SPTAN1: variants seen among roughly 807,000 people sequenced by gnomAD.
SPTAN1 encodes spectrin alpha chain, non-erythrocytic 1.
SPTAN1 carries 61 observed loss-of-function variants against 331.3 expected under a neutral mutation model. The observed-to-expected ratio is 0.18, with a 90% CI of 0.15 to 0.23. SPTAN1 has a LOEUF of 0.23. Among genes scored for constraint, SPTAN1 ranks in the 10% least tolerant of loss-of-function variants. The pLI, the probability that SPTAN1 is intolerant of heterozygous loss-of-function variation, is 1.00. For synonymous variants in SPTAN1, 1,153 were observed against 1,173.9 expected, an observed-to-expected ratio of 0.98 and a Z score of 0.36; for missense variants, 2,043 against 3,147.9, an observed-to-expected ratio of 0.65 and a Z score of 8.40.
intron 1 of SPTAN1, among the ~76,000 whole-genome samples, chr9:128,553,742 T>A (rs1202168401): frequency 1.9e-4 from 29 of 152,204 alleles, no homozygotes. Flanking sequence ...GATCCTAAAA[T>A]ATTTAAGCCC....
At chr9:128,554,393 C>G (rs916873393) in intron 1 of SPTAN1, among the ~76,000 whole-genome samples, 2 of 152,144 alleles carry the variant, frequency 1.3e-5, no homozygotes, top group Non-Finnish European at 2.9e-5. Flanking sequence ...GTAAGCCTGT[C>G]AAGCAATATG....
chr9:128,625,810 C>T lies in SPTAN1; in HGVS notation c.6111C>T (p.Gly2037=), dbSNP rs139799727. 4,209 of 1,614,174 alleles carry T rather than the reference C, an allele frequency of 2.6e-3. 8 individuals are homozygous for T. The highest frequency in any genetic ancestry group is 7.3e-3 in the South Asian group (665 of 91,088). Residue 2037 remains glycine (G), a synonymous_variant, in exon 48 of 57, where the codon GGC becomes GGT. Transcript: ENST00000372739. The surrounding 1 kb of genome is among the most constrained non-coding windows in gnomAD (Gnocchi z 4.1). ...GGCTGCAGGCCTTCCAGCAGGAAGGCATTGCCAACATCACTGCCCTCAAAG... is the reference window on the plus strand; with the variant it reads ...GGCTGCAGGCCTTCCAGCAGGAAGGTATTGCCAACATCACTGCCCTCAAAG... The part of the protein sequence containing the change: ...DAGLQAFQQE[G]IANITALKDQ...
chr9:128,569,255 A>T (rs1465995349), intron 3 of SPTAN1, among the ~76,000 whole-genome samples: 2 of 152,212 alleles, frequency 1.3e-5, no homozygotes, highest in Non-Finnish European at 2.9e-5. Context: ...AAACAAGCAC[A>T]GACACTATAA....
rs1334304656 is a variant in SPTAN1, at chr9:128,581,830, G to A, written c.1510G>A (p.Ala504Thr). 1.9e-6 allele frequency: 3 copies of A among 1,614,042 alleles called. No individual in the cohort carries two copies. The African/African-American group carries it at 4.0e-5, about 22-fold the overall frequency. The change falls in exon 12 of 57, where the codon GCG (alanine) becomes ACG (threonine). Residue 504 changes from alanine (A) to threonine (T), a missense_variant. Coordinates refer to ENST00000372739, the MANE Select transcript of SPTAN1 (RefSeq NM_001130438.3). ...GGGAGATTCCTTGGATAGTGTGGAA[G>A]CGCTTCTTAAGAAGCACGAAGACTT... ...DLGDSLDSVE[A>T]LLKKHEDFEK...
intron 19 of SPTAN1, 105 bp downstream of exon 19, chr9:128,586,070 G>A: frequency 1.4e-6 from 1 of 729,014 alleles, no homozygotes; most frequent in Non-Finnish European, 2.3e-6. Flanking sequence ...GTGCATTACA[G>A]TGATTGTTTT....
At position 128,633,459 on chromosome 9, in the gene SPTAN1, G is replaced by A. The variant is rs1860171637; in HGVS notation, c.*125G>A. ...CTGCTTAGCTTGGAATAAGACTTAG[G>A]AGAAAATGGTGCTTCACTAACCCGC... On this transcript the variant is annotated 3_prime_UTR_variant, in exon 57 of 57. Transcript: ENST00000372739. 2 of 1,522,496 alleles carry A rather than the reference G, an allele frequency of 1.3e-6. No individual in the cohort carries two copies. The highest frequency in any genetic ancestry group is 3.4e-5 in the Admixed American group (2 of 59,258). 94.3% of individuals were successfully genotyped at this position (1,522,496 alleles called of 1,614,324 possible). A position where few individuals can be genotyped will look rare whatever the true frequency, so the allele number is the denominator to read the frequency against.
chr9:128,571,006 G>T (rs1399517681), intron 3 of SPTAN1, among the ~76,000 whole-genome samples: 1 of 152,194 alleles, frequency 6.6e-6, no homozygotes, highest in African/African-American at 2.4e-5. Context: ...TAACTGGCCG[G>T]GCATGGGGCT....
At chr9:128,586,742 C>T (rs1245801758) in intron 19 of SPTAN1, among the ~76,000 whole-genome samples, 1 of 151,908 alleles carries the variant, frequency 6.6e-6, no homozygotes, top group African/African-American at 2.4e-5. Flanking sequence ...AAATTTTATT[C>T]ATAAAGGTCT....
chr9:128,580,887 C>A (rs375865924), intron 10 of SPTAN1, 35 bp from the exon 11 acceptor site: 6 of 1,611,782 alleles, frequency 3.7e-6, no homozygotes, highest in Non-Finnish European at 5.1e-6. Context: ...TGGGGCTGAC[C>A]TCATCTCCCT....
chr9:128,577,024 T>A lies in SPTAN1; in HGVS notation c.785+68T>A. 6.2e-7 allele frequency: 1 copy of A among 1,613,950 alleles called. No individual in the cohort carries two copies. The highest frequency in any genetic ancestry group is 8.5e-7 in the Non-Finnish European group (1 of 1,179,998). ...GAGGGGAGTTGTGAAGCACAGGGCA[T>A]GTGCTGGTGAGCTGTCGAGGCTGAC... On this transcript the variant is annotated intron_variant, in intron 6 of 56. Coordinates refer to ENST00000372739, the MANE Select transcript of SPTAN1 (RefSeq NM_001130438.3). The surrounding 1 kb of genome is among the most constrained non-coding windows in gnomAD (Gnocchi z 4.2).
At chr9:128,558,933 A>C (rs557269857) in intron 1 of SPTAN1, among the ~76,000 whole-genome samples, 59 of 152,328 alleles carry the variant, frequency 3.9e-4, no homozygotes, top group African/African-American at 1.2e-3. Context: ...TAGGAGCAAA[A>C]AGAAACTGGA....
chr9:128,605,498 A>G (rs926735245), intron 31 of SPTAN1, 21 bp downstream of exon 31: 106 of 1,613,850 alleles, frequency 6.6e-5, no homozygotes, highest in Non-Finnish European at 8.6e-5. Context: ...ATGTTCACTC[A>G]GACTTCTGGA....
chr9:128,582,669 C>T (rs1195684879), intron 13 of SPTAN1, 25 bp from the exon 14 acceptor site: 1 of 1,612,068 alleles, frequency 6.2e-7, no homozygotes, highest in South Asian at 1.1e-5. Context: ...ACACTAGAGA[C>T]TCACAGGGGA....
In SPTAN1 at chr9:128,618,961, G is replaced by A; in HGVS notation, c.5691G>A (p.Leu1897=). ...EEAWINEKMT[L]VASEDYGDTL... is the part of the protein sequence containing the mutation. ...CCTGGATCAATGAGAAAATGACCCT[G>A]GTGGCCAGCGAAGATTATGGCGACA... Residue 1897 remains leucine, a synonymous_variant, in exon 44 of 57, where the codon CTG becomes CTA. Coordinates refer to ENST00000372739, the MANE Select transcript of SPTAN1 (RefSeq NM_001130438.3). 1.2e-6 allele frequency: 2 copies of A among 1,614,082 alleles called. No individual in the cohort carries two copies. The highest frequency in any genetic ancestry group is 1.7e-6 in the Non-Finnish European group (2 of 1,179,964).
rs199620607 is a variant in SPTAN1 at position 128,624,914 on chromosome 9, C to G, written c.5993-189C>G. 1.1e-5 allele frequency: 7 copies of G among 660,280 alleles called. No individual in the cohort carries two copies. In the East Asian group the frequency reaches 1.9e-4, roughly 18 times the overall value. The allele number at this position is 660,280 out of a possible 1,614,324, so 40.9% of individuals were successfully genotyped here. ...ACTAGAAGACGGGCTGCAGGGAGCT[C>G]GTCATGGCACAGATGGAGGCCAGGC... On this transcript the variant is annotated intron_variant, in intron 46 of 56. Coordinates refer to ENST00000372739, the MANE Select transcript of SPTAN1 (RefSeq NM_001130438.3).
chr9:128,574,741 A>C lies in SPTAN1; in HGVS notation c.430A>C (p.Lys144Gln). 6.2e-7 allele frequency: 1 copy of C among 1,614,220 alleles called. No individual in the cohort carries two copies. The highest frequency in any genetic ancestry group is 8.5e-7 in the Non-Finnish European group (1 of 1,180,042). The change falls in exon 4 of 57, where the codon AAA (lysine) becomes CAA (glutamine). Residue 144 changes from lysine to glutamine, a missense_variant. Around this residue, in one of 12 missense-constraint regions of SPTAN1, gnomAD observed 1,038 missense variants for 1,531.5 expected, o/e 0.68. Coordinates refer to ENST00000372739, the MANE Select transcript of SPTAN1 (RefSeq NM_001130438.3). ...LLEKMREKGI[K>Q]LLQAQKLVQY... is the part of the protein sequence containing the mutation. ...GGAGAAGATGCGAGAAAAAGGAATC[A>C]AACTGCTGCAGGCCCAGAAGTTGGT...
chr9:128,616,088 A>T (rs1360990803), intron 41 of SPTAN1, among the ~76,000 whole-genome samples: 2 of 152,106 alleles, frequency 1.3e-5, no homozygotes, highest in African/African-American at 4.8e-5. Context: ...TTCCCGTGAA[A>T]GTTAGTGAGT....
rs1589223463 is a variant in SPTAN1 at position 128,585,685 on chromosome 9, T to C, written c.2561-63T>C. ...CCGTGAACACACAGAGAAAACTTAT[T>C]TTTGTCCTTCTGTGATGTGTCAACG... is the stretch of plus-strand genomic sequence containing the variant. On this transcript the variant is annotated intron_variant, in intron 18 of 56. Coordinates refer to ENST00000372739, the MANE Select transcript of SPTAN1 (RefSeq NM_001130438.3). 7 of 1,390,412 alleles carry C rather than the reference T, an allele frequency of 5.0e-6. No homozygotes were observed. In the East Asian group the frequency reaches 6.9e-5, roughly 14 times the overall value. The allele number at this position is 1,390,412 out of a possible 1,614,324, so 86.1% of individuals were successfully genotyped here. A position where few individuals can be genotyped will look rare whatever the true frequency, so the allele number is the denominator to read the frequency against.
At chr9:128,606,975 C>T (rs556188544) in intron 31 of SPTAN1, among the ~76,000 whole-genome samples, 121 of 152,202 alleles carry the variant, frequency 7.9e-4, no homozygotes, top group African/African-American at 2.8e-3. Context: ...TCCCCACCCA[C>T]TAGGAATCCT....
Sources: allele counts gnomAD v4.1 joint callset (sites outside exome capture counted in the v4.1 genomes callset), GRCh38; gene constraint gnomAD v4.1.1; regional missense constraint gnomAD v4.1.1; non-coding constraint Gnocchi (gnomAD v3.1); transcripts MANE v1.5; gene names NCBI Gene and HGNC (gene_info 2026-07-23, HGNC 2026-07-21).